The following ZFPM1 variants were observed in gnomAD, a reference collection of about 807,000 sequenced individuals.
ZFPM1 encodes zinc finger protein ZFPM1.
ZFPM1 carries 28 observed loss-of-function variants against 46.3 expected under a neutral mutation model. The observed-to-expected ratio is 0.60, with a 90% CI of 0.45 to 0.83. ZFPM1 has a LOEUF of 0.83. Ranked by LOEUF, ZFPM1 falls within the 40% of genes least tolerant of loss-of-function variation. The pLI, the probability that ZFPM1 is intolerant of heterozygous loss-of-function variation, is 0.00. For synonymous variants in ZFPM1, 957 were observed against 675.9 expected (o/e 1.42, Z -6.45); for missense variants, 1,878 against 1,432.4 (o/e 1.31, Z -5.02).
At position 88,480,877 on chromosome 16, in the gene ZFPM1, A is replaced by T. The variant is rs1332939895; in HGVS notation, c.41-5062A>T. Among the ~76,000 whole-genome samples the T allele has an allele frequency of 6.6e-6, 1 of 152,114 alleles. No individual in the cohort carries two copies. The highest frequency in any genetic ancestry group is 6.5e-5 in the Admixed American group (1 of 15,274). ...TTTCCGCAAGACAGTCGTTCAAAGG[A>T]GCCCCCCAGCGCCTCGCCATCAAAG... On this transcript the variant is annotated intron_variant, in intron 1 of 9. Coordinates refer to ENST00000319555, the MANE Select transcript of ZFPM1 (RefSeq NM_153813.3). The surrounding 1 kb of genome is among the most constrained non-coding windows in gnomAD (Gnocchi z 4.9).
At chr16:88,505,180 G>C (rs1309776851) in intron 3 of ZFPM1, among the ~76,000 whole-genome samples, 1 of 152,234 alleles carries the variant, frequency 6.6e-6, no homozygotes, top group Non-Finnish European at 1.5e-5. Flanking sequence ...TCGCCCGGTG[G>C]CTGACGCAGC....
At position 88,473,696 on chromosome 16, in the gene ZFPM1, C is replaced by G. The variant is rs1380370225; in HGVS notation, c.41-12243C>G. 2.6e-5 allele frequency among the ~76,000 whole-genome samples: 4 copies of G among 152,168 alleles called. No homozygotes were observed. In the East Asian group the frequency reaches 7.7e-4, roughly 29 times the overall value. On this transcript the variant is annotated intron_variant, in intron 1 of 9. Coordinates refer to ENST00000319555, the MANE Select transcript of ZFPM1 (RefSeq NM_153813.3). The stretch of plus-strand genomic sequence containing the variant: ...ATCACCCATCTGGGGAGGGGGGTCG[C>G]TCCCCAGCCCAGATTCTCGGGGCCG...
intron 1 of ZFPM1, among the ~76,000 whole-genome samples, chr16:88,483,691 G>A (rs557309491): frequency 4.6e-5 from 7 of 152,338 alleles, no homozygotes; most frequent in East Asian, 1.9e-4. Context: ...AGTGTTCAGC[G>A]ATCTGGTGCA....
At chr16:88,515,122 G>C (rs868516639) in intron 4 of ZFPM1, among the ~76,000 whole-genome samples, 2 of 152,246 alleles carry the variant, frequency 1.3e-5, no homozygotes, top group Admixed American at 6.5e-5. Flanking sequence ...GGTTTCCTCC[G>C]AAGAGGGTAT....
chr16:88,475,067 C>G (rs1364063082), intron 1 of ZFPM1, among the ~76,000 whole-genome samples: 1 of 152,260 alleles, frequency 6.6e-6, no homozygotes, highest in Non-Finnish European at 1.5e-5. Context: ...CAGGCCTGTG[C>G]TTGATCCTGG....
chr16:88,457,930 C>A (rs1441205718), intron 1 of ZFPM1, among the ~76,000 whole-genome samples: 1 of 152,196 alleles, frequency 6.6e-6, no homozygotes, highest in African/African-American at 2.4e-5. Flanking sequence ...GTGGTTTACC[C>A]CCTTTCCTGG....
At chr16:88,490,019 G>A (rs574595142) in intron 3 of ZFPM1, among the ~76,000 whole-genome samples, 13 of 152,136 alleles carry the variant, frequency 8.5e-5, no homozygotes, top group Admixed American at 3.3e-4. Context: ...GCAGGTGCTC[G>A]AGCCAGATGC....
intron 1 of ZFPM1, among the ~76,000 whole-genome samples, chr16:88,454,362 C>A (rs944767145): frequency 1.3e-5 from 2 of 152,222 alleles, no homozygotes; most frequent in Admixed American, 6.5e-5. Flanking sequence ...GAACCCAGGC[C>A]CCGCCAGCCT....
intron 1 of ZFPM1, among the ~76,000 whole-genome samples, chr16:88,467,035 C>G (rs1223986934): frequency 6.6e-6 from 1 of 152,132 alleles, no homozygotes; most frequent in Non-Finnish European, 1.5e-5. Flanking sequence ...CCAAAGCCCT[C>G]TCTGCCCGCA....
intron 5 of ZFPM1, 42 bp downstream of exon 5, chr16:88,526,958 G>T (rs1210452558): frequency 6.5e-7 from 1 of 1,532,168 alleles, no homozygotes; most frequent in Non-Finnish European, 8.8e-7. Context: ...CTTCCGGAAG[G>T]TGGGGGTCAC....
rs530375125 is a variant in ZFPM1, at chr16:88,495,026, C to T, written c.268+5873C>T. 2.4e-3 allele frequency among the ~76,000 whole-genome samples: 365 copies of T among 152,062 alleles called. 5 individuals are homozygous for T. The highest frequency in any genetic ancestry group is 8.3e-3 in the African/African-American group (341 of 41,302). ...AGCCATAATCTATAATCCCTGCACG[C>T]GCTCGGGAGCAGCTCGGCCGTGGCT... On this transcript the variant is annotated intron_variant, in intron 3 of 9. Transcript: ENST00000319555.
intron 1 of ZFPM1, among the ~76,000 whole-genome samples, chr16:88,463,183 C>G (rs1189585608): frequency 6.6e-6 from 1 of 152,234 alleles, no homozygotes; most frequent in African/African-American, 2.4e-5. Flanking sequence ...GGCTCCTTCC[C>G]GAAGTGATGC....
intron 3 of ZFPM1, among the ~76,000 whole-genome samples, chr16:88,499,842 G>C (rs903105043): frequency 1.3e-5 from 2 of 152,202 alleles, no homozygotes; most frequent in African/African-American, 4.8e-5. Context: ...CAGCCTCTCC[G>C]GGTCCAGCCC....
chr16:88,527,052 C>A, intron 5 of ZFPM1, 136 bp downstream of exon 5: 1 of 1,377,262 alleles, frequency 7.3e-7, no homozygotes, highest in Non-Finnish European at 9.7e-7. Context: ...TGGCCCCGGG[C>A]GCTGCAGCAT....
chr16:88,470,156 G>T (rs72805394), intron 1 of ZFPM1, among the ~76,000 whole-genome samples: 1 of 152,204 alleles, frequency 6.6e-6, no homozygotes, highest in Non-Finnish European at 1.5e-5. Flanking sequence ...GGCCCCTCCC[G>T]TGTAGGAGCA....
chr16:88,534,461 C>T lies in ZFPM1; in HGVS notation c.2503C>T (p.His835Tyr). 2 of 1,496,110 alleles carry T rather than the reference C, an allele frequency of 1.3e-6. No homozygotes were observed. Among genetic ancestry groups the T allele is most frequent in the Non-Finnish European group, 1.8e-6 (2 of 1,129,720 alleles). The allele number at this position is 1,496,110 out of a possible 1,614,324, so 92.7% of individuals were successfully genotyped here. A position where few individuals can be genotyped will look rare whatever the true frequency, so the allele number is the denominator to read the frequency against. The change falls in exon 10 of 10, where the codon CAC becomes TAC. Residue 835 changes from histidine (H) to tyrosine (Y), a missense_variant. Physicochemically the swap from His to Tyr is moderately conservative, Grantham distance 83 (BLOSUM62 2). Transcript: ENST00000319555. Reference sequence around the variant, plus strand: ...CCACAGCCTCGAGGCCTACCTGGCGCACAAGAAGTACTCGTGCCCCGCTGC... The same window carrying T: ...CCACAGCCTCGAGGCCTACCTGGCGTACAAGAAGTACTCGTGCCCCGCTGC... Reference protein sequence around the residue: ...SFHSLEAYLAHKKYSCPAAPP... With the variant: ...SFHSLEAYLAYKKYSCPAAPP...
intron 4 of ZFPM1, chr16:88,516,610 T>C (rs1219740663): frequency 1.5e-5 from 6 of 398,542 alleles, no homozygotes; most frequent in African/African-American, 2.1e-5. Context: ...CCGTACAAGA[T>C]GATTGATTTC....
At chr16:88,490,464 G>C (rs1418992291) in intron 3 of ZFPM1, among the ~76,000 whole-genome samples, 1 of 152,224 alleles carries the variant, frequency 6.6e-6, no homozygotes, top group African/African-American at 2.4e-5. Flanking sequence ...TCTGTGGAGA[G>C]AAGATGCATG....
chr16:88,491,485 A>G (rs116300279), intron 3 of ZFPM1, among the ~76,000 whole-genome samples: 1 of 152,328 alleles, frequency 6.6e-6, no homozygotes, highest in African/African-American at 2.4e-5. Context: ...ATCCACCGTC[A>G]TGCGGCTGGG....
Sources: allele counts gnomAD v4.1 joint callset (sites outside exome capture counted in the v4.1 genomes callset), GRCh38; gene constraint gnomAD v4.1.1; non-coding constraint Gnocchi (gnomAD v3.1); transcripts MANE v1.5; gene names NCBI Gene and HGNC (gene_info 2026-07-23, HGNC 2026-07-21).